Variants in ARHGAP12 observed in about 807,000 individuals in gnomAD.
The protein encoded by ARHGAP12 is Rho GTPase activating protein 12.
ARHGAP12 carries 64 observed loss-of-function variants against 108.6 expected under a neutral mutation model. The ratio of observed to expected loss-of-function variants is 0.59; its 90% CI spans 0.48 to 0.73. The LOEUF is 0.73. ARHGAP12 is among the 30% of genes least tolerant of loss of function. The pLI is 0.00. For missense variants in ARHGAP12, 940 were observed against 1,005.9 expected (o/e 0.93, Z 0.89); for synonymous variants, 312 against 337.2 (o/e 0.93, Z 0.82).
chr10:31,881,148 T>TA (rs917225805), intron 3 of ARHGAP12, among the ~76,000 whole-genome samples: 52 of 142,504 alleles, frequency 3.6e-4, no homozygotes, highest in South Asian at 6.7e-4. Context: ...ATGAGTTCCT[T>TA]AAAAAAAAAA....
At chr10:31,829,219 A>T (rs1835739363) in intron 10 of ARHGAP12, among the ~76,000 whole-genome samples, 1 of 152,212 alleles carries the variant, frequency 6.6e-6, no homozygotes, top group Non-Finnish European at 1.5e-5. Flanking sequence ...CATTATGCCA[A>T]GCAAAATAAA....
rs567987674 is a variant in ARHGAP12, at chr10:31,852,547, G to A, written c.1140C>T (p.Asp380=). The change falls in exon 6 of 20, where the codon GAC becomes GAT. Residue 380 remains aspartate (D), a synonymous_variant. Coordinates refer to ENST00000344936, the MANE Select transcript of ARHGAP12 (RefSeq NM_018287.7). ...DQGRQYYYSA[D]GSRSEWELPK... ...GCAATTCCCATTCTGACCGAGATCC[G>A]TCTGCACTGTAGTAATATTGTCTAC... 45 of 1,612,866 alleles carry A rather than the reference G, an allele frequency of 2.8e-5. No individual in the cohort carries two copies. Among genetic ancestry groups the A allele is most frequent in the Non-Finnish European group, 3.1e-5 (36 of 1,179,224 alleles).
At chr10:31,831,228 C>T (rs1315454469) in intron 10 of ARHGAP12, among the ~76,000 whole-genome samples, 1 of 152,090 alleles carries the variant, frequency 6.6e-6, no homozygotes, top group Non-Finnish European at 1.5e-5. Context: ...AGATTAAAAA[C>T]AATGTGGCAG....
chr10:31,860,102 G>A (rs554128913), intron 4 of ARHGAP12, among the ~76,000 whole-genome samples: 1 of 152,208 alleles, frequency 6.6e-6, no homozygotes, highest in South Asian at 2.1e-4. Flanking sequence ...AGTTAAACAT[G>A]AACAATTTTT....
At chr10:31,825,485 C>T (rs1400108961) in intron 11 of ARHGAP12, among the ~76,000 whole-genome samples, 1 of 152,120 alleles carries the variant, frequency 6.6e-6, no homozygotes, top group Non-Finnish European at 1.5e-5. Context: ...ATAGCCAGAG[C>T]ATGGATTCTA....
intron 3 of ARHGAP12, among the ~76,000 whole-genome samples, chr10:31,894,401 C>T (rs1838588245): frequency 6.6e-6 from 1 of 152,088 alleles, no homozygotes; most frequent in Admixed American, 6.5e-5. Flanking sequence ...TCAGCAAAGT[C>T]TCAGGATACA....
At chr10:31,923,931 T>G (rs1487950082) in intron 1 of ARHGAP12, among the ~76,000 whole-genome samples, 1 of 152,210 alleles carries the variant, frequency 6.6e-6, no homozygotes, top group Non-Finnish European at 1.5e-5. Flanking sequence ...GTGCAGCTTG[T>G]TATACAGCAA....
At chr10:31,885,016 T>C (rs1337604691) in intron 3 of ARHGAP12, among the ~76,000 whole-genome samples, 1 of 152,174 alleles carries the variant, frequency 6.6e-6, no homozygotes, top group Non-Finnish European at 1.5e-5. Flanking sequence ...GATGTTTTGA[T>C]ACAGGTGTAC....
chr10:31,870,517 C>T (rs1837501423), intron 3 of ARHGAP12, among the ~76,000 whole-genome samples: 1 of 152,102 alleles, frequency 6.6e-6, no homozygotes, highest in African/African-American at 2.4e-5. Flanking sequence ...GGCTGAGCCA[C>T]CGGACCCAGC....
intron 9 of ARHGAP12, among the ~76,000 whole-genome samples, chr10:31,834,333 C>A (rs1835935683): frequency 6.6e-6 from 1 of 152,148 alleles, no homozygotes; most frequent in Non-Finnish European, 1.5e-5. Context: ...ATGATCAGGT[C>A]ATGAAGGTGA....
chr10:31,816,168 C>CGT (rs201754040), intron 13 of ARHGAP12, among the ~76,000 whole-genome samples: 24,306 of 136,172 alleles, frequency 0.18, 2,190 homozygotes, highest in African/African-American at 0.2. Flanking sequence ...AAGAAAGAAA[C>CGT]GTGTGTGTGT....
intron 14 of ARHGAP12, among the ~76,000 whole-genome samples, chr10:31,813,677 C>A (rs1835098535): frequency 6.6e-6 from 1 of 152,102 alleles, no homozygotes; most frequent in African/African-American, 2.4e-5. Flanking sequence ...GAACAAAGTA[C>A]CAAGTCACAA....
chr10:31,924,956 TGA>T (rs1396625517), intron 1 of ARHGAP12, among the ~76,000 whole-genome samples: 2 of 152,196 alleles, frequency 1.3e-5, no homozygotes, highest in African/African-American at 4.8e-5. Context: ...GCAAAAGTTG[TGA>T]GAGTAGAAAA....
At chr10:31,911,609 C>A (rs557331608) in intron 1 of ARHGAP12, among the ~76,000 whole-genome samples, 1 of 152,120 alleles carries the variant, frequency 6.6e-6, no homozygotes, top group African/African-American at 2.4e-5. Context: ...CACACCCAGC[C>A]TACTTACTAA....
chr10:31,859,905 C>T (rs894724792), intron 4 of ARHGAP12, among the ~76,000 whole-genome samples: 5 of 151,922 alleles, frequency 3.3e-5, no homozygotes, highest in Non-Finnish European at 7.4e-5. Context: ...AGCGATTCTC[C>T]TGCCTCTGCC....
At position 31,808,890 on chromosome 10, in the gene ARHGAP12, T is replaced by G. The variant is rs561375398; in HGVS notation, c.2263+104A>C. ...TTAAAATGTTTGGAGTAAAACAATC[T>G]GTTGAAAATACTTGCTTAAAGTAAG... On this transcript the variant is annotated intron_variant, in intron 18 of 19. Transcript: ENST00000344936. 7 of 1,375,314 alleles carry G rather than the reference T, an allele frequency of 5.1e-6. No individual in the cohort carries two copies. In the Admixed American group the frequency reaches 1.5e-4, roughly 30 times the overall value. The allele number at this position is 1,375,314 out of a possible 1,614,324, so 85.2% of individuals were successfully genotyped here.
rs533328591 is a variant in ARHGAP12, at chr10:31,827,716, G to A, written c.1449-1331C>T. On this transcript the variant is annotated intron_variant, in intron 10 of 19. Coordinates refer to ENST00000344936, the MANE Select transcript of ARHGAP12 (RefSeq NM_018287.7). Reference sequence around the variant, plus strand: ...TGAGGCAGGAGAATGGCGTGAACCCGGGAGGCAGAGCTTGCAGTGAGCCGA... The same window carrying A: ...TGAGGCAGGAGAATGGCGTGAACCCAGGAGGCAGAGCTTGCAGTGAGCCGA... Among the ~76,000 whole-genome samples the A allele has an allele frequency of 3.3e-5, 5 of 151,808 alleles. No individual in the cohort carries two copies. The South Asian group carries it at 1.0e-3, about 32-fold the overall frequency.
intron 3 of ARHGAP12, among the ~76,000 whole-genome samples, chr10:31,888,504 A>G (rs548335014): frequency 2.0e-5 from 3 of 152,372 alleles, no homozygotes; most frequent in African/African-American, 7.2e-5. Flanking sequence ...TTGGAAGAAT[A>G]ACAGAACCAT....
rs181986067 is a variant in ARHGAP12 at position 31,891,487 on chromosome 10, G to A, written c.684+16685C>T. 3.7e-3 allele frequency among the ~76,000 whole-genome samples: 559 copies of A among 152,242 alleles called. 4 individuals carry two copies. The highest frequency in any genetic ancestry group is 0.012 in the African/African-American group (518 of 41,534). On this transcript the variant is annotated intron_variant, in intron 3 of 19. Transcript: ENST00000344936. ...ATGGGCTTCCCTTTGTGGGTAACCC[G>A]ACCTTTCTCTCTGGCTGCCCTTAAC...
Sources: allele counts gnomAD v4.1 joint callset (sites outside exome capture counted in the v4.1 genomes callset), GRCh38; gene constraint gnomAD v4.1.1; transcripts MANE v1.5; gene names NCBI Gene and HGNC (gene_info 2026-07-23, HGNC 2026-07-21).